Variants in SNX29 observed in about 807,000 individuals in gnomAD.
SNX29 encodes the protein sorting nexin-29.
A neutral mutation model predicts 102.1 loss-of-function variants in SNX29; 78 were observed. The observed-to-expected ratio is 0.76, with a 90% CI of 0.64 to 0.92. SNX29 has a LOEUF of 0.92. Among genes scored for constraint, SNX29 ranks in the 40% least tolerant of loss-of-function variants. The pLI is 0.00. For synonymous variants in SNX29, 580 were observed against 414.5 expected (o/e 1.40, Z -4.85); for missense variants, 1,280 against 1,061.7 (o/e 1.21, Z -2.86).
intron 3 of SNX29, among the ~76,000 whole-genome samples, chr16:12,024,442 A>G (rs1179605160): frequency 6.6e-6 from 1 of 152,206 alleles, no homozygotes; most frequent in Non-Finnish European, 1.5e-5. Context: ...CACCGCACCC[A>G]GTCGAGATCT....
intron 1 of SNX29, among the ~76,000 whole-genome samples, chr16:11,998,715 G>A (rs1036271918): frequency 6.6e-6 from 1 of 152,152 alleles, no homozygotes; most frequent in Non-Finnish European, 1.5e-5. Context: ...AGAACTTTGG[G>A]AGCCACTTCT....
At chr16:12,421,761 C>T (rs773236229) in intron 18 of SNX29, among the ~76,000 whole-genome samples, 3 of 152,098 alleles carry the variant, frequency 2.0e-5, no homozygotes, top group African/African-American at 4.8e-5. Context: ...TTATCATCAT[C>T]ACCATCATTA....
intron 20 of SNX29, among the ~76,000 whole-genome samples, chr16:12,563,614 CAGACG>C (rs3975061): frequency 0.26 from 39,594 of 151,942 alleles, 5,731 homozygotes; most frequent in East Asian, 0.44. Context: ...CCACATCTCA[CAGACG>C]AGACTGTCCT....
At chr16:12,215,469 C>G (rs1020226704) in intron 14 of SNX29, among the ~76,000 whole-genome samples, 4 of 152,144 alleles carry the variant, frequency 2.6e-5, no homozygotes, top group African/African-American at 7.2e-5. Flanking sequence ...CTCTGATGTC[C>G]TGATACAGAA....
At chr16:12,511,278 C>T (rs2089607083) in intron 19 of SNX29, among the ~76,000 whole-genome samples, 1 of 152,150 alleles carries the variant, frequency 6.6e-6, no homozygotes, top group African/African-American at 2.4e-5. Context: ...CTCCTGAGCT[C>T]AGGTGTGGAA....
intron 15 of SNX29, among the ~76,000 whole-genome samples, chr16:12,326,726 T>C (rs561346364): frequency 1.2e-4 from 18 of 150,976 alleles, no homozygotes; most frequent in Admixed American, 6.6e-4. Context: ...CAAGTTTCTC[T>C]GTGCTGTTGT....
intron 12 of SNX29, among the ~76,000 whole-genome samples, chr16:12,129,055 G>A (rs759816948): frequency 1.5e-4 from 23 of 152,294 alleles, no homozygotes; most frequent in Admixed American, 1.3e-4. Context: ...TATCTCAGAT[G>A]CTTTAGTGAT....
At chr16:12,142,775 C>T (rs927279412) in intron 13 of SNX29, among the ~76,000 whole-genome samples, 21 of 151,932 alleles carry the variant, frequency 1.4e-4, no homozygotes, top group African/African-American at 7.3e-5. Context: ...GTTGACCAGG[C>T]TGATCTCAAA....
chr16:12,416,763 T>C (rs368177904), intron 18 of SNX29, among the ~76,000 whole-genome samples: 8 of 152,026 alleles, frequency 5.3e-5, no homozygotes, highest in African/African-American at 1.7e-4. Flanking sequence ...TGTTACTCTA[T>C]CCCAACCACC....
At chr16:12,158,074 G>A (rs1042958122) in intron 13 of SNX29, among the ~76,000 whole-genome samples, 4 of 151,336 alleles carry the variant, frequency 2.6e-5, no homozygotes, top group Non-Finnish European at 5.9e-5. Context: ...GAGTTAAAGC[G>A]TTGCTGCTGC....
chr16:12,568,295 G>T (rs1055491714), intron 20 of SNX29, among the ~76,000 whole-genome samples: 2 of 69,758 alleles, frequency 2.9e-5, no homozygotes, highest in South Asian at 4.6e-4. Context: ...TGGAGCCTCG[G>T]AGTGCTGTTA....
chr16:12,261,077 T>C (rs571756774), intron 14 of SNX29, among the ~76,000 whole-genome samples: 1 of 144,546 alleles, frequency 6.9e-6, no homozygotes, highest in East Asian at 2.1e-4. Flanking sequence ...AGTCCCTGGC[T>C]GGAGTGAGTG....
intron 14 of SNX29, among the ~76,000 whole-genome samples, chr16:12,245,565 T>C (rs1436887165): frequency 6.6e-6 from 1 of 152,006 alleles, no homozygotes. Context: ...TCTTTAAAAT[T>C]AGAGTGATTG....
intron 14 of SNX29, among the ~76,000 whole-genome samples, chr16:12,271,062 G>C (rs1225157145): frequency 6.6e-6 from 1 of 152,102 alleles, no homozygotes; most frequent in Non-Finnish European, 1.5e-5. Context: ...AATAAATAAA[G>C]TGGTCTCTCA....
chr16:12,405,138 A>G (rs1353752005), intron 18 of SNX29, among the ~76,000 whole-genome samples: 2 of 152,246 alleles, frequency 1.3e-5, no homozygotes, highest in Non-Finnish European at 2.9e-5. Flanking sequence ...TGTGGTCATC[A>G]GAGAGCTGGA....
At position 12,477,674 on chromosome 16, in the gene SNX29, A is replaced by G. The variant is rs773046547; in HGVS notation, c.2038-45A>G. 3.1e-6 allele frequency: 5 copies of G among 1,597,944 alleles called. No individual in the cohort carries two copies. In the African/African-American group the frequency reaches 4.1e-5, roughly 13 times the overall value. The stretch of plus-strand genomic sequence containing the variant: ...AGCATAGCCGAAATCCTACTCCTTT[A>G]TAATAAGGGTTTAAGAGGAATTCAC... On this transcript the variant is annotated intron_variant, in intron 18 of 20. Transcript: ENST00000566228.
chr16:12,549,908 C>T (rs1182331133), intron 20 of SNX29, among the ~76,000 whole-genome samples: 1 of 152,228 alleles, frequency 6.6e-6, no homozygotes. Context: ...AATGATGGCC[C>T]ACAGGCCAAA....
chr16:12,562,389 A>C (rs541859672), intron 20 of SNX29, among the ~76,000 whole-genome samples: 1 of 152,188 alleles, frequency 6.6e-6, no homozygotes, highest in Non-Finnish European at 1.5e-5. Flanking sequence ...ACAGCTCAAG[A>C]GACAGATCAC....
In SNX29 at chr16:12,315,942, C is replaced by T. The variant is rs186401433; in HGVS notation, c.1782+37906C>T. Among the ~76,000 whole-genome samples, 270 of 152,270 alleles carry T rather than the reference C, an allele frequency of 1.8e-3. 2 individuals carry two copies. The highest frequency in any genetic ancestry group is 6.3e-3 in the African/African-American group (260 of 41,550). On this transcript the variant is annotated intron_variant, in intron 15 of 20. Transcript: ENST00000566228. ...GGGTGAACTGCATCAGGCCTCTGCT[C>T]CCATGGAAGATCCTTTCTAGTGAGT...
Sources: gnomAD v4.1 joint callset for allele counts (sites outside exome capture counted in the v4.1 genomes callset) on GRCh38, gnomAD v4.1.1 for gene constraint, MANE v1.5 for transcripts, NCBI Gene and HGNC (gene_info 2026-07-23, HGNC 2026-07-21) for gene names.